The following UPRT variants were observed in gnomAD, a reference collection of about 807,000 sequenced individuals.
The protein encoded by UPRT is RP11-311P8.3.
UPRT carries 5 observed loss-of-function variants against 22.6 expected under a neutral mutation model. The observed-to-expected ratio is 0.22, with a 90% confidence interval of 0.12 to 0.47. UPRT has a LOEUF of 0.47. Among genes scored for constraint, UPRT ranks in the 20% least tolerant of loss-of-function variants. The probability of loss-of-function intolerance (pLI) is 0.99; values close to 1 mark genes in which losing one functional copy is unlikely to be tolerated. For synonymous variants in UPRT, 77 were observed against 87.7 expected (o/e 0.88, Z 0.68); for missense variants, 181 against 239.9 (o/e 0.75, Z 1.62).
intron 4 of UPRT, among the ~76,000 whole-genome samples, chrX:75,267,380 A>G (rs1017193433): frequency 7.2e-5 from 8 of 111,471 alleles, no homozygotes; most frequent in Non-Finnish European, 1.1e-4. Flanking sequence ...GAACAATGAG[A>G]ACACTTGGAC....
intron 4 of UPRT, among the ~76,000 whole-genome samples, chrX:75,205,558 A>G (rs2082363467): frequency 1.8e-5 from 2 of 111,056 alleles, no homozygotes; most frequent in African/African-American, 6.6e-5. Context: ...CTGGATGTGG[A>G]TCTTGTGCTC....
At chrX:75,220,628 C>A (rs868114482) in intron 4 of UPRT, among the ~76,000 whole-genome samples, 17 of 111,168 alleles carry the variant, frequency 1.5e-4, no homozygotes, top group African/African-American at 4.2e-4. Flanking sequence ...TTGTATAACC[C>A]ATTATTTTAA....
chrX:75,287,276 C>A (rs976638420), intron 1 of UPRT, among the ~76,000 whole-genome samples: 1 of 111,246 alleles, frequency 9.0e-6, no homozygotes, highest in Non-Finnish European at 1.9e-5. Flanking sequence ...GGGGAGAATC[C>A]CTCCATTTAG....
intron 4 of UPRT, among the ~76,000 whole-genome samples, chrX:75,249,936 T>G (rs763749383): frequency 8.9e-6 from 1 of 111,809 alleles, no homozygotes; most frequent in Admixed American, 9.5e-5. Flanking sequence ...ACATGGAAAC[T>G]GAACAACCTC....
intron 4 of UPRT, among the ~76,000 whole-genome samples, chrX:75,229,086 C>T (rs2082430728): frequency 9.0e-6 from 1 of 111,672 alleles, no homozygotes; most frequent in African/African-American, 3.3e-5. Context: ...GTCTAATGTA[C>T]CATATGGTTG....
At chrX:75,191,365 T>C (rs978641484) in intron 4 of UPRT, among the ~76,000 whole-genome samples, 2 of 111,916 alleles carry the variant, frequency 1.8e-5, no homozygotes, top group South Asian at 7.6e-4. Context: ...TACCCGGCCG[T>C]GTGAGGTGTC....
At chrX:75,212,331 A>G (rs2082382359) in intron 4 of UPRT, among the ~76,000 whole-genome samples, 1 of 111,798 alleles carries the variant, frequency 8.9e-6, no homozygotes, top group Non-Finnish European at 1.9e-5. Context: ...AATAATAAAC[A>G]GTCTCTCAGA....
In UPRT at chrX:75,293,465, T is replaced by C. The variant is rs755299609; in HGVS notation, c.387-7T>C. The C allele has an allele frequency of 3.2e-5, 38 of 1,199,220 alleles. No homozygotes were observed. The South Asian group carries it at 5.5e-4, about 17-fold the overall frequency. On this transcript the variant is annotated splice_region_variant and splice_polypyrimidine_tract_variant and intron_variant, in intron 1 of 6. Transcript: ENST00000373383. ...TTTAGACTAAAACTTGTATTATCTT[T>C]TTTTAGGACAGCCAGTAGAGGTGAC...
intron 4 of UPRT, among the ~76,000 whole-genome samples, chrX:75,218,722 G>T (rs2082401044): frequency 1.0e-5 from 1 of 100,379 alleles, no homozygotes; most frequent in Non-Finnish European, 2.0e-5. Context: ...AAAATGATGA[G>T]TTCATGTCCT....
intron 4 of UPRT, among the ~76,000 whole-genome samples, chrX:75,168,921 T>C (rs930482882): frequency 8.9e-6 from 1 of 111,821 alleles, no homozygotes; most frequent in African/African-American, 3.2e-5. Context: ...TTTTTATTCC[T>C]CACCCCCTTC....
At chrX:75,251,525 A>C (rs2082529786) in intron 4 of UPRT, among the ~76,000 whole-genome samples, 1 of 111,478 alleles carries the variant, frequency 9.0e-6, no homozygotes, top group Non-Finnish European at 1.9e-5. Context: ...GGACCTCTTC[A>C]AGGATAACTA....
intron 4 of UPRT, among the ~76,000 whole-genome samples, chrX:75,175,284 C>G (rs1185272374): frequency 4.5e-5 from 5 of 111,767 alleles, no homozygotes; most frequent in Admixed American, 3.8e-4. Context: ...GATAATAGCT[C>G]CAGCCTTGGC....
At chrX:75,250,098 A>T (rs1470170430) in intron 4 of UPRT, among the ~76,000 whole-genome samples, 3 of 112,203 alleles carry the variant, frequency 2.7e-5, no homozygotes, top group Non-Finnish European at 5.6e-5. Flanking sequence ...AATGCTCACA[A>T]CAGAAAGCAG....
chrX:75,206,886 G>C (rs750995091), intron 4 of UPRT, among the ~76,000 whole-genome samples: 52 of 111,847 alleles, frequency 4.6e-4, no homozygotes, highest in Non-Finnish European at 8.5e-4. Context: ...GGATGGTCTC[G>C]ATCTCCTGAC....
intron 4 of UPRT, among the ~76,000 whole-genome samples, chrX:75,196,664 T>C (rs776664851): frequency 1.8e-5 from 2 of 111,660 alleles, no homozygotes; most frequent in Admixed American, 9.5e-5. Flanking sequence ...CTGGCCAACA[T>C]GGCAAAGCCT....
chrX:75,243,035 G>A (rs2082493337), intron 4 of UPRT, among the ~76,000 whole-genome samples: 1 of 110,959 alleles, frequency 9.0e-6, no homozygotes, highest in South Asian at 3.8e-4. Flanking sequence ...AATTATTTCA[G>A]GAGAAATTTC....
chrX:75,284,370 C>T (rs1232461636), intron 1 of UPRT, among the ~76,000 whole-genome samples: 5 of 111,282 alleles, frequency 4.5e-5, no homozygotes, highest in African/African-American at 1.6e-4. Flanking sequence ...GTTAAAGAGC[C>T]TTGTTATGTA....
intron 4 of UPRT, among the ~76,000 whole-genome samples, chrX:75,219,831 A>C (rs1436280839): frequency 8.9e-6 from 1 of 111,901 alleles, no homozygotes; most frequent in Non-Finnish European, 1.9e-5. Context: ...AAAAGTCAAC[A>C]AAAAACACCA....
intron 4 of UPRT, among the ~76,000 whole-genome samples, chrX:75,265,494 T>C (rs2082585141): frequency 8.9e-6 from 1 of 112,413 alleles, no homozygotes; most frequent in Admixed American, 9.5e-5. Flanking sequence ...CTTGTGCCTT[T>C]GTCACGTAGT....
Sources: gnomAD v4.1 joint callset for allele counts (sites outside exome capture counted in the v4.1 genomes callset) on GRCh38, gnomAD v4.1.1 for gene constraint, MANE v1.5 for transcripts, NCBI Gene and HGNC (gene_info 2026-07-23, HGNC 2026-07-21) for gene names.